GLB1L3: variants seen among roughly 807,000 people sequenced by gnomAD.
GLB1L3 encodes beta-galactosidase-1-like protein 3.
A neutral mutation model predicts 89.5 loss-of-function variants in GLB1L3; 89 were observed. The ratio of observed to expected loss-of-function variants is 0.99; its 90% CI spans 0.84 to 1.19. The LOEUF (loss-of-function observed/expected upper bound fraction) is 1.19, where lower values mean the gene tolerates loss of function less well. Among genes scored for constraint, GLB1L3 ranks in the 50% most tolerant of loss-of-function variants. GLB1L3 has a pLI of 0.00. For synonymous variants in GLB1L3, 314 were observed against 312.3 expected, an observed-to-expected ratio of 1.01 and a Z score of -0.06; for missense variants, 812 against 813.3, an observed-to-expected ratio of 1.00 and a Z score of 0.02.
intron 16 of GLB1L3, 91 bp from the exon 17 acceptor site, chr11:134,313,850 A>G: frequency 1.2e-6 from 1 of 811,542 alleles, no homozygotes; most frequent in Non-Finnish European, 2.1e-6. Context: ...GTCCTAAGGC[A>G]TGTACAAGTC....
At chr11:134,287,988 A>G (rs1042275364) in intron 6 of GLB1L3, among the ~76,000 whole-genome samples, 1 of 152,198 alleles carries the variant, frequency 6.6e-6, no homozygotes, top group Admixed American at 6.5e-5. Context: ...TGTTGGGACA[A>G]AAAGCTCAGA....
chr11:134,283,126 G>A (rs1011131219), intron 5 of GLB1L3, among the ~76,000 whole-genome samples: 8 of 152,130 alleles, frequency 5.3e-5, no homozygotes, highest in East Asian at 3.9e-4. Flanking sequence ...CCAGTGGCGC[G>A]ATCTCGGCTT....
intron 10 of GLB1L3, 77 bp from the exon 11 acceptor site, chr11:134,309,549 A>G: frequency 8.6e-7 from 1 of 1,158,682 alleles, no homozygotes; most frequent in Non-Finnish European, 1.2e-6. Flanking sequence ...GGGGTTGGAA[A>G]GGATAAGAGT....
At position 134,308,269 on chromosome 11, in the gene GLB1L3, C is replaced by CACCACT. The variant is rs1565412829; in HGVS notation, c.961+1066_961+1067insTACCAC. On this transcript the variant is annotated intron_variant, in intron 10 of 19. Coordinates refer to ENST00000431683, the MANE Select transcript of GLB1L3 (RefSeq NM_001080407.3). Reference sequence around the variant, plus strand: ...TCACCACCATCACCACCACCACCACCACCACCACCACCAAATACCACCACC... The same window carrying CACCACT: ...TCACCACCATCACCACCACCACCACCACCACTACCACCACCACCAAATACCACCACC... Among the ~76,000 whole-genome samples the CACCACT allele has an allele frequency of 1.6e-3, 79 of 50,556 alleles. 7 individuals are homozygous for CACCACT. Among genetic ancestry groups the CACCACT allele is most frequent in the Admixed American group, 0.012 (73 of 5,958 alleles). The allele number at this position is 50,556 out of a possible 152,430, so 33.2% of individuals were successfully genotyped here. A position where few individuals can be genotyped will look rare whatever the true frequency, so the allele number is the denominator to read the frequency against.
chr11:134,285,587 A>G (rs1940935043), intron 6 of GLB1L3, among the ~76,000 whole-genome samples: 2 of 152,020 alleles, frequency 1.3e-5, no homozygotes, highest in African/African-American at 2.4e-5. Context: ...GGAGTACAAG[A>G]CCAGCCTGAG....
At chr11:134,282,736 G>A (rs1940768372) in intron 5 of GLB1L3, among the ~76,000 whole-genome samples, 1 of 152,190 alleles carries the variant, frequency 6.6e-6, no homozygotes, top group Non-Finnish European at 1.5e-5. Flanking sequence ...CCACCCCTGT[G>A]GTGGGCAGGG....
At chr11:134,296,133 C>A (rs950139140) in intron 9 of GLB1L3, among the ~76,000 whole-genome samples, 2 of 151,720 alleles carry the variant, frequency 1.3e-5, no homozygotes, top group African/African-American at 4.8e-5. Context: ...AAATCAAAAC[C>A]ACAATGAGAT....
intron 3 of GLB1L3, 84 bp downstream of exon 3, chr11:134,277,996 C>T: frequency 7.3e-7 from 1 of 1,372,962 alleles, no homozygotes; most frequent in Non-Finnish European, 1.0e-6. Flanking sequence ...ATTTTGGGGG[C>T]CCAGCGTGAG....
At chr11:134,297,612 G>C (rs1256813321) in intron 9 of GLB1L3, among the ~76,000 whole-genome samples, 2 of 152,054 alleles carry the variant, frequency 1.3e-5, no homozygotes, top group Non-Finnish European at 2.9e-5. Context: ...TGTAATCCCA[G>C]CACTTTGGGA....
At chr11:134,291,454 C>G (rs1025049518) in intron 7 of GLB1L3, among the ~76,000 whole-genome samples, 1 of 152,062 alleles carries the variant, frequency 6.6e-6, no homozygotes, top group Non-Finnish European at 1.5e-5. Context: ...CCATGTTGGC[C>G]AAGCTGGTCT....
chr11:134,298,055 AT>A (rs1050364008), intron 9 of GLB1L3, among the ~76,000 whole-genome samples: 3 of 151,642 alleles, frequency 2.0e-5, no homozygotes, highest in African/African-American at 7.3e-5. Flanking sequence ...AGAAGTCAGT[AT>A]TAATTCTTAT....
chr11:134,308,368 C>CCAG (rs1942412912), intron 10 of GLB1L3, among the ~76,000 whole-genome samples: 1 of 80,220 alleles, frequency 1.2e-5, no homozygotes, highest in Admixed American at 1.1e-4. Context: ...ACCACCACCA[C>CCAG]CACCACCACC....
intron 9 of GLB1L3, among the ~76,000 whole-genome samples, chr11:134,301,506 C>T (rs1221454182): frequency 6.6e-6 from 1 of 151,940 alleles, no homozygotes; most frequent in African/African-American, 2.4e-5. Flanking sequence ...ATTATTGATT[C>T]GTTTTTACTC....
At position 134,318,931 on chromosome 11, in the gene GLB1L3, C is replaced by A. The variant is rs1943096538; in HGVS notation, c.1951C>A (p.Pro651Thr). 5 of 1,612,110 alleles carry A rather than the reference C, an allele frequency of 3.1e-6. No individual in the cohort carries two copies. Among genetic ancestry groups the A allele is most frequent in the Non-Finnish European group, 4.2e-6 (5 of 1,179,016 alleles). The change falls in exon 20 of 20, where the codon CCC becomes ACC. Residue 651 changes from proline to threonine, a missense_variant. Pro to Thr is a conservative substitution (Grantham distance 38). This residue lies in a region of GLB1L3 where 618 missense variants were observed against 604.0 expected (regional missense o/e 1.02). Transcript: ENST00000431683. Reference protein sequence around the residue: ...SGSDIKSTDKPTL With the variant: ...SGSDIKSTDKTTL ...CTCAGATATCAAATCTACAGACAAG[C>A]CCACGCTGTAAAACTGTGTCTGAAC... is the stretch of plus-strand genomic sequence containing the variant.
intron 6 of GLB1L3, among the ~76,000 whole-genome samples, chr11:134,286,867 A>C (rs1218722365): frequency 6.6e-6 from 1 of 151,680 alleles, no homozygotes; most frequent in Non-Finnish European, 1.5e-5. Flanking sequence ...ATTTATACAA[A>C]ATTAATGTCC....
intron 6 of GLB1L3, among the ~76,000 whole-genome samples, chr11:134,287,783 G>A (rs953816950): frequency 6.6e-6 from 1 of 152,234 alleles, no homozygotes; most frequent in Non-Finnish European, 1.5e-5. Flanking sequence ...TAGGAGCTGT[G>A]GGAAGCCAGC....
At chr11:134,296,680 T>TA (rs1483137029) in intron 9 of GLB1L3, among the ~76,000 whole-genome samples, 5 of 109,368 alleles carry the variant, frequency 4.6e-5, no homozygotes, top group African/African-American at 1.8e-4. Flanking sequence ...CATCACACTC[T>TA]GGGGACTGTT....
At position 134,293,154 on chromosome 11, in the gene GLB1L3, C is replaced by T. The variant is rs1241292065; in HGVS notation, c.821C>T (p.Ala274Val). 1 of 1,613,736 alleles carries T rather than the reference C, an allele frequency of 6.2e-7. No individual in the cohort carries two copies. Among genetic ancestry groups the T allele is most frequent in the South Asian group, 1.1e-5 (1 of 91,054 alleles). ...TCTCTTCTTTATGCAGTGTTGGCCG[C>T]CATCAATTTGCAAAAACTTCACCAG... ...LSGHTKGVLA[A>V]INLQKLHQDT... Residue 274 changes from alanine to valine, a missense_variant, in exon 9 of 20, where the codon GCC (alanine) becomes GTC (valine). Transcript: ENST00000431683.
At chr11:134,285,007 C>T (rs1040972563) in intron 6 of GLB1L3, among the ~76,000 whole-genome samples, 1 of 145,726 alleles carries the variant, frequency 6.9e-6, no homozygotes, top group Admixed American at 7.0e-5. Context: ...TGGCTCACTG[C>T]AACCTCCACC....
Sources: gnomAD v4.1 joint callset for allele counts (sites outside exome capture counted in the v4.1 genomes callset) on GRCh38, gnomAD v4.1.1 for gene constraint, gnomAD v4.1.1 regional missense constraint, MANE v1.5 for transcripts, NCBI Gene and HGNC (gene_info 2026-07-23, HGNC 2026-07-21) for gene names.